Variants in TCF20 observed in about 807,000 individuals in gnomAD.
TCF20 encodes transcription factor 20, also known as SPRE-binding protein.
In TCF20, 3 loss-of-function variants were observed where a neutral mutation model predicts 148.6. The observed-to-expected ratio is 0.02, with a 90% CI of 0.01 to 0.05. TCF20 has a LOEUF of 0.05. Among genes scored for constraint, TCF20 ranks in the 10% least tolerant of loss-of-function variants. The pLI is 1.00. For missense variants in TCF20, 2,350 were observed against 2,429.3 expected (o/e 0.97, Z 0.69); for synonymous variants, 1,049 against 909.5 (o/e 1.15, Z -2.76).
chr22:42,285,175 C>T (rs1403083662), upstream of TCF20, among the ~76,000 whole-genome samples: 2 of 152,298 alleles, frequency 1.3e-5, no homozygotes, highest in Non-Finnish European at 2.9e-5. The surrounding 1 kb of genome is among the most constrained non-coding windows in gnomAD (Gnocchi z 4.2). Flanking sequence ...CCTGGTGCCA[C>T]GGGGCAGCTG....
At position 42,210,546 on chromosome 22, in the gene TCF20, C is replaced by T; in HGVS notation, c.4760G>A (p.Arg1587Lys). ...PKKQRQRRER[R>K]KPGAQPRKRK... ...CTTCCTCGGCTGGGCCCCAGGCTTC[C>T]TTCTCTCCCTCCTTTGCCTCTGTTT... The change falls in exon 2 of 6, where the codon AGG becomes AAG. Residue 1587 changes from arginine to lysine, a missense_variant. Around this residue, in one of 7 missense-constraint regions of TCF20, gnomAD observed 374 missense variants for 398.3 expected, o/e 0.94. Coordinates refer to ENST00000677622, the MANE Select transcript of TCF20 (RefSeq NM_001378418.1). This position sits in a 1 kb window ranked among gnomAD's most constrained non-coding sequence, Gnocchi z 4.7. 1 of 1,614,212 alleles carries T rather than the reference C, an allele frequency of 6.2e-7. No individual in the cohort carries two copies. Among genetic ancestry groups the T allele is most frequent in the Non-Finnish European group, 8.5e-7 (1 of 1,180,034 alleles).
intron 2 of TCF20, among the ~76,000 whole-genome samples, chr22:42,206,151 T>C (rs1938370292): frequency 6.6e-6 from 1 of 152,196 alleles, no homozygotes; most frequent in Non-Finnish European, 1.5e-5. Flanking sequence ...CAATTATTGC[T>C]ATAGAACACC....
intron 5 of TCF20, among the ~76,000 whole-genome samples, chr22:42,163,018 T>G (rs1296820797): frequency 1.3e-5 from 2 of 152,172 alleles, no homozygotes; most frequent in African/African-American, 2.4e-5. Flanking sequence ...CAGAAGGGTG[T>G]CATCTTGTTG....
Position 42,329,626 on chromosome 22 carries a change from C to G in TCF20, c.-37+13853G>C, listed in dbSNP as rs1264722024. ...GTGGGGTCAGGATGACCATAGTAGACACATGCTGGATCGCCACCCAGGAGG... is the reference window on the plus strand; with the variant it reads ...GTGGGGTCAGGATGACCATAGTAGAGACATGCTGGATCGCCACCCAGGAGG... On this transcript the variant is annotated intron_variant, in intron 1 of 1. Coordinates refer to the TCF20 transcript ENST00000515426. 2.0e-5 allele frequency among the ~76,000 whole-genome samples: 3 copies of G among 152,202 alleles called. No homozygotes were observed. The South Asian group carries it at 6.2e-4, about 32-fold the overall frequency.
At chr22:42,180,357 T>G (rs976195356) in intron 2 of TCF20, among the ~76,000 whole-genome samples, 3 of 152,190 alleles carry the variant, frequency 2.0e-5, no homozygotes, top group African/African-American at 7.2e-5. Flanking sequence ...TGAGACATTA[T>G]TTTGTAATTG....
intron 2 of TCF20, among the ~76,000 whole-genome samples, chr22:42,193,379 G>A (rs1937438095): frequency 6.7e-6 from 1 of 150,076 alleles, no homozygotes; most frequent in Non-Finnish European, 1.5e-5. Context: ...TTGTGCCACT[G>A]TACTCATAGT....
chr22:42,209,574 G>A lies in TCF20; in HGVS notation c.5655+77C>T, dbSNP rs1243922862. 18 of 1,482,864 alleles carry A rather than the reference G, an allele frequency of 1.2e-5. No individual in the cohort carries two copies. In the South Asian group the frequency reaches 1.9e-4, roughly 16 times the overall value. The allele number at this position is 1,482,864 out of a possible 1,614,324, so 91.9% of individuals were successfully genotyped here. A position where few individuals can be genotyped will look rare whatever the true frequency, so the allele number is the denominator to read the frequency against. On this transcript the variant is annotated intron_variant, in intron 2 of 5. Coordinates refer to ENST00000677622, the MANE Select transcript of TCF20 (RefSeq NM_001378418.1). The stretch of plus-strand genomic sequence containing the variant: ...ATTTGGAGGAATAATCATGTGACAT[G>A]TAAGAACAAAAACATGCAAGAAAAG...
At chr22:42,169,543 G>T (rs1279564643) in intron 4 of TCF20, among the ~76,000 whole-genome samples, 14 of 152,200 alleles carry the variant, frequency 9.2e-5, no homozygotes, top group Non-Finnish European at 2.1e-4. Context: ...CACCTCAAGT[G>T]GAAATCAGTG....
chr22:42,163,823 C>T (rs1314011768), intron 5 of TCF20, among the ~76,000 whole-genome samples: 1 of 152,194 alleles, frequency 6.6e-6, no homozygotes, highest in Non-Finnish European at 1.5e-5. Context: ...TCACCTTGCT[C>T]CCCAGCTGCC....
At chr22:42,275,698 C>T (rs182182087) in intron 1 of TCF20, among the ~76,000 whole-genome samples, 1 of 152,276 alleles carries the variant, frequency 6.6e-6, no homozygotes, top group Non-Finnish European at 1.5e-5. Flanking sequence ...AATGGGTGCA[C>T]ACAGAGGTTA....
chr22:42,289,355 G>A (rs1416067927), intron 1 of TCF20, among the ~76,000 whole-genome samples: 1 of 152,144 alleles, frequency 6.6e-6, no homozygotes, highest in Non-Finnish European at 1.5e-5. Context: ...TGCCCAAAGA[G>A]CAGAGACAAA....
intron 1 of TCF20, among the ~76,000 whole-genome samples, chr22:42,262,727 C>G (rs1926094475): frequency 6.6e-6 from 1 of 152,042 alleles, no homozygotes; most frequent in African/African-American, 2.4e-5. Flanking sequence ...AGACACTGAG[C>G]TCAGCAGGCT....
intron 2 of TCF20, among the ~76,000 whole-genome samples, chr22:42,189,811 T>C (rs1239981880): frequency 6.6e-6 from 1 of 152,262 alleles, no homozygotes. Context: ...TTCCTCTGTG[T>C]ACCTTCCTTA....
intron 1 of TCF20, among the ~76,000 whole-genome samples, chr22:42,333,623 C>G (rs1240777959): frequency 6.6e-6 from 1 of 152,258 alleles, no homozygotes; most frequent in Non-Finnish European, 1.5e-5. Context: ...TCATATCAGG[C>G]CCCTGTGAGC....
intron 2 of TCF20, among the ~76,000 whole-genome samples, chr22:42,206,720 G>A (rs1309080438): frequency 6.6e-6 from 1 of 152,140 alleles, no homozygotes; most frequent in Non-Finnish European, 1.5e-5. Flanking sequence ...TAGGGGACAT[G>A]ATAAGAGTAA....
intron 1 of TCF20, among the ~76,000 whole-genome samples, chr22:42,221,009 A>G (rs17002898): frequency 0.039 from 5,966 of 152,220 alleles, 386 homozygotes; most frequent in African/African-American, 0.14. Flanking sequence ...AATCTTCTGC[A>G]TTGTTGTCAA....
chr22:42,169,675 C>T (rs73429684), intron 4 of TCF20, among the ~76,000 whole-genome samples, 172 bp downstream of exon 4: 4,477 of 152,238 alleles, frequency 0.029, 227 homozygotes, highest in African/African-American at 0.1. Context: ...CCACGGGTCT[C>T]CCTTCAGCAT....
intron 3 of TCF20, 65 bp downstream of exon 3, chr22:42,179,540 CAGAG>C (rs751361798): frequency 3.8e-6 from 3 of 781,502 alleles, no homozygotes; most frequent in Non-Finnish European, 5.8e-6. Context: ...ACAACGACAA[CAGAG>C]AGAATCAAAC....
intron 3 of TCF20, among the ~76,000 whole-genome samples, chr22:42,175,193 T>TA (rs1443174614): frequency 6.6e-6 from 1 of 152,238 alleles, no homozygotes; most frequent in African/African-American, 2.4e-5. Flanking sequence ...TTGGCTCTTT[T>TA]AAAAACTTAT....
Sources: allele counts gnomAD v4.1 joint callset (sites outside exome capture counted in the v4.1 genomes callset), GRCh38; gene constraint gnomAD v4.1.1; regional missense constraint gnomAD v4.1.1; non-coding constraint Gnocchi (gnomAD v3.1); transcripts MANE v1.5; gene names NCBI Gene and HGNC (gene_info 2026-07-23, HGNC 2026-07-21).